LMBR1: variants seen among roughly 807,000 people sequenced by gnomAD.
LMBR1 encodes limb region 1 protein homolog.
Under a neutral mutation model 73.9 loss-of-function variants are expected in LMBR1, and 52 were observed. The observed-to-expected ratio is 0.70, with a 90% CI of 0.56 to 0.89. The LOEUF (loss-of-function observed/expected upper bound fraction) is 0.89. LMBR1 is among the 40% of genes least tolerant of loss of function. The pLI is 0.00. For missense variants in LMBR1, 539 were observed against 579.8 expected (o/e 0.93, Z 0.72); for synonymous variants, 215 against 209.4 (o/e 1.03, Z -0.23).
At chr7:156,756,342 G>T in intron 9 of LMBR1, 51 bp downstream of exon 9, 2 of 886,028 alleles carry the variant, frequency 2.3e-6, no homozygotes, top group Non-Finnish European at 1.9e-6. Flanking sequence ...CTATCTTTTT[G>T]AAATTAAAAA....
intron 10 of LMBR1, among the ~76,000 whole-genome samples, chr7:156,729,917 G>A (rs75207265): frequency 0.01 from 1,595 of 152,240 alleles, 30 homozygotes; most frequent in African/African-American, 0.036. Flanking sequence ...CTGTATGAAC[G>A]TATCAGAGAG....
intron 1 of LMBR1, among the ~76,000 whole-genome samples, chr7:156,854,409 C>CA (rs1430095157): frequency 1.3e-5 from 2 of 152,102 alleles, no homozygotes; most frequent in African/African-American, 4.8e-5. Context: ...ACCAGATTCT[C>CA]AGAGTAAAGA....
chr7:156,872,755 G>A (rs915247743), intron 1 of LMBR1, among the ~76,000 whole-genome samples: 4 of 152,140 alleles, frequency 2.6e-5, no homozygotes, highest in African/African-American at 9.7e-5. Flanking sequence ...TACATTTGGA[G>A]GAAAAACGGC....
At chr7:156,827,785 T>A (rs1242755809) in intron 3 of LMBR1, among the ~76,000 whole-genome samples, 3 of 152,212 alleles carry the variant, frequency 2.0e-5, no homozygotes, top group Non-Finnish European at 4.4e-5. Context: ...AATGCCATCT[T>A]GTGGCAACCA....
chr7:156,734,549 T>TGCTA (rs1297572612), intron 9 of LMBR1, among the ~76,000 whole-genome samples: 1 of 152,182 alleles, frequency 6.6e-6, no homozygotes, highest in Non-Finnish European at 1.5e-5. Context: ...GTACAACGTA[T>TGCTA]GCTACTCCAG....
chr7:156,706,564 T>C (rs916982199), intron 15 of LMBR1, among the ~76,000 whole-genome samples: 3 of 151,918 alleles, frequency 2.0e-5, no homozygotes, highest in Non-Finnish European at 4.4e-5. Context: ...ACGAAATCAA[T>C]ACCAAGAAGA....
chr7:156,815,092 G>T (rs926361505), intron 4 of LMBR1, among the ~76,000 whole-genome samples: 1 of 146,864 alleles, frequency 6.8e-6, no homozygotes. Context: ...GGAAGAAGAG[G>T]TTGTGGTGAG....
At chr7:156,806,660 A>G (rs1395112982) in intron 4 of LMBR1, among the ~76,000 whole-genome samples, 3 of 118,426 alleles carry the variant, frequency 2.5e-5, no homozygotes, top group African/African-American at 1.0e-4. Flanking sequence ...CCCAGGCTGG[A>G]GTGCAGTGGT....
chr7:156,694,739 C>T lies in LMBR1; in HGVS notation c.1226-6548G>A, dbSNP rs113207215. Reference sequence around the variant, plus strand: ...TCAGTAAAATTACAGGTTACAAAATCAACATAAAAAACCAGTGGAATTTCT... The same window carrying T: ...TCAGTAAAATTACAGGTTACAAAATTAACATAAAAAACCAGTGGAATTTCT... On this transcript the variant is annotated intron_variant, in intron 15 of 16. Coordinates refer to ENST00000353442, the MANE Select transcript of LMBR1 (RefSeq NM_022458.4). Among the ~76,000 whole-genome samples the T allele has an allele frequency of 5.7e-3, 873 of 151,986 alleles. 20 individuals are homozygous for T. In the South Asian group the frequency reaches 0.079, roughly 14 times the overall value.
intron 8 of LMBR1, among the ~76,000 whole-genome samples, chr7:156,760,190 C>T (rs73166127): frequency 0.041 from 6,227 of 152,012 alleles, 177 homozygotes; most frequent in Non-Finnish European, 0.049. Flanking sequence ...AATGGAGAAT[C>T]GAAGAAGAAG....
chr7:156,723,374 G>C (rs1360334926), intron 15 of LMBR1, among the ~76,000 whole-genome samples: 1 of 152,010 alleles, frequency 6.6e-6, no homozygotes, highest in Non-Finnish European at 1.5e-5. Flanking sequence ...CCAATCATTC[G>C]TGTGCACTCT....
At chr7:156,845,529 T>A (rs951099054) in intron 1 of LMBR1, among the ~76,000 whole-genome samples, 5 of 151,970 alleles carry the variant, frequency 3.3e-5, no homozygotes, top group Admixed American at 2.6e-4. Flanking sequence ...CGGGAAAAAC[T>A]ATTAAAAGAA....
chr7:156,713,201 G>C (rs1338975425), intron 15 of LMBR1, among the ~76,000 whole-genome samples: 2 of 152,134 alleles, frequency 1.3e-5, no homozygotes, highest in Non-Finnish European at 2.9e-5. Context: ...AAACTACTGA[G>C]ACAGTAAGAA....
chr7:156,718,597 G>C (rs1291574180), intron 15 of LMBR1, among the ~76,000 whole-genome samples: 1 of 151,924 alleles, frequency 6.6e-6, no homozygotes. Context: ...GTGGTGGTGT[G>C]GTGTAAGTAG....
At chr7:156,776,176 G>T (rs1243095761) in intron 5 of LMBR1, among the ~76,000 whole-genome samples, 1 of 150,912 alleles carries the variant, frequency 6.6e-6, no homozygotes, top group African/African-American at 2.4e-5. Flanking sequence ...CAATGTAATG[G>T]TTCACTATAA....
intron 15 of LMBR1, among the ~76,000 whole-genome samples, chr7:156,693,437 T>C (rs1298861602): frequency 1.3e-5 from 2 of 151,818 alleles, no homozygotes. Context: ...AAGTCAGAAA[T>C]AACTAAAATA....
At chr7:156,705,487 A>C (rs992841804) in intron 15 of LMBR1, among the ~76,000 whole-genome samples, 3 of 152,190 alleles carry the variant, frequency 2.0e-5, no homozygotes, top group African/African-American at 7.2e-5. Context: ...TGAGCCTGGG[A>C]GGTAGAGGTT....
chr7:156,718,895 G>A (rs1813827177), intron 15 of LMBR1, among the ~76,000 whole-genome samples: 1 of 150,642 alleles, frequency 6.6e-6, no homozygotes, highest in Admixed American at 6.6e-5. Flanking sequence ...CAATTTAATT[G>A]GATTAAAAAC....
chr7:156,709,780 G>C (rs1171394500), intron 15 of LMBR1, among the ~76,000 whole-genome samples: 1 of 151,778 alleles, frequency 6.6e-6, no homozygotes, highest in African/African-American at 2.4e-5. Context: ...AAGTAATTCT[G>C]GCAATATAAA....
Sources: allele counts gnomAD v4.1 joint callset (sites outside exome capture counted in the v4.1 genomes callset), GRCh38; gene constraint gnomAD v4.1.1; transcripts MANE v1.5; gene names NCBI Gene and HGNC (gene_info 2026-07-23, HGNC 2026-07-21).